The following NAE1 variants were observed in gnomAD, a reference collection of about 807,000 sequenced individuals.
NAE1 encodes the protein NEDD8 activating enzyme E1 subunit 1.
In NAE1, 59 loss-of-function variants were observed where a neutral mutation model predicts 88.0. The observed-to-expected ratio is 0.67, with a 90% CI of 0.54 to 0.83. NAE1 has a LOEUF of 0.83. NAE1 is among the 40% of genes least tolerant of loss of function. The probability of loss-of-function intolerance (pLI) is 0.00; values close to 1 mark genes in which losing one functional copy is unlikely to be tolerated. For synonymous variants in NAE1, 186 were observed against 208.9 expected (o/e 0.89, Z 0.95); for missense variants, 554 against 632.8 (o/e 0.88, Z 1.34).
chr16:66,811,253 G>A (rs1959787924), intron 13 of NAE1, among the ~76,000 whole-genome samples: 2 of 152,020 alleles, frequency 1.3e-5, no homozygotes, highest in African/African-American at 4.8e-5. Flanking sequence ...AACTTCCCAC[G>A]CTCAACTGAT....
At chr16:66,827,249 C>T (rs553056360) in intron 1 of NAE1, among the ~76,000 whole-genome samples, 1 of 152,096 alleles carries the variant, frequency 6.6e-6, no homozygotes, top group South Asian at 2.1e-4. Context: ...GCCACCGTGC[C>T]CAGCCCTATT....
intron 19 of NAE1, among the ~76,000 whole-genome samples, chr16:66,804,006 A>T (rs1337133467): frequency 1.3e-5 from 2 of 148,658 alleles, no homozygotes; most frequent in Non-Finnish European, 3.0e-5. Context: ...TTTAGCAGCA[A>T]GAGAGAGAGA....
chr16:66,824,708 CAT>C (rs1402062583), intron 4 of NAE1, 145 bp downstream of exon 4: 8 of 670,176 alleles, frequency 1.2e-5, no homozygotes, highest in Non-Finnish European at 1.9e-5. Flanking sequence ...AACTACCAAA[CAT>C]ATGAAGATTT....
chr16:66,829,553 C>A (rs564652535), intron 1 of NAE1, among the ~76,000 whole-genome samples: 2 of 152,188 alleles, frequency 1.3e-5, no homozygotes, highest in Non-Finnish European at 2.9e-5. Flanking sequence ...GTGCCTAAAG[C>A]CTCTACTACA....
At position 66,825,442 on chromosome 16, in the gene NAE1, G is replaced by C. The variant is rs1483495082; in HGVS notation, c.219-557C>G. 2.9e-5 allele frequency among the ~76,000 whole-genome samples: 4 copies of C among 138,230 alleles called. No homozygotes were observed. The Admixed American group carries it at 3.0e-4, about 10-fold the overall frequency. The allele number at this position is 138,230 out of a possible 152,430, so 90.7% of individuals were successfully genotyped here. A position where few individuals can be genotyped will look rare whatever the true frequency, so the allele number is the denominator to read the frequency against. ...AGCCTGGGCGACAGAGAAAGACTCC[G>C]TCTCAAAAAAAAAAAAAAAAAGTTT... On this transcript the variant is annotated intron_variant, in intron 3 of 19. Coordinates refer to ENST00000290810, the MANE Select transcript of NAE1 (RefSeq NM_003905.4).
At chr16:66,822,855 A>C (rs1960324833) in intron 6 of NAE1, among the ~76,000 whole-genome samples, 1 of 149,652 alleles carries the variant, frequency 6.7e-6, no homozygotes, top group Non-Finnish European at 1.5e-5. Context: ...TTTTTAGTAG[A>C]GATGGGATTT....
intron 13 of NAE1, among the ~76,000 whole-genome samples, chr16:66,811,384 CT>C (rs1959793262): frequency 6.6e-6 from 1 of 152,140 alleles, no homozygotes; most frequent in East Asian, 1.9e-4. Flanking sequence ...TCTTGAACTC[CT>C]GGGTTCAAGT....
chr16:66,807,002 C>T (rs1172992884), intron 17 of NAE1, among the ~76,000 whole-genome samples: 1 of 152,154 alleles, frequency 6.6e-6, no homozygotes, highest in Non-Finnish European at 1.5e-5. Context: ...CCAAGCTAGC[C>T]ACGTGAAGAG....
At chr16:66,813,892 C>T (rs755790994) in intron 11 of NAE1, 46 bp from the exon 12 acceptor site, 20 of 1,533,936 alleles carry the variant, frequency 1.3e-5, no homozygotes, top group Admixed American at 1.9e-5. Context: ...ATTAAGAATT[C>T]GCCCATCTTT....
intron 11 of NAE1, 127 bp from the exon 12 acceptor site, chr16:66,813,973 G>T (rs2145326529): frequency 1.1e-6 from 1 of 905,760 alleles, no homozygotes; most frequent in East Asian, 2.6e-5. Context: ...ACTTCTGATT[G>T]GTTTATAATT....
intron 11 of NAE1, among the ~76,000 whole-genome samples, chr16:66,814,805 A>C (rs1216164456): frequency 6.6e-6 from 1 of 152,174 alleles, no homozygotes; most frequent in Non-Finnish European, 1.5e-5. Flanking sequence ...GAAATGCTTA[A>C]ATAGCCTGCA....
chr16:66,806,821 T>C (rs1486333509), intron 17 of NAE1, among the ~76,000 whole-genome samples: 2 of 152,202 alleles, frequency 1.3e-5, no homozygotes, highest in Non-Finnish European at 2.9e-5. Context: ...GAAGTATGTA[T>C]AGTTATCTCC....
intron 19 of NAE1, among the ~76,000 whole-genome samples, chr16:66,804,742 G>A (rs1959494203): frequency 6.6e-6 from 1 of 152,132 alleles, no homozygotes; most frequent in South Asian, 2.1e-4. Context: ...AGGTGATTAG[G>A]TCAAGAGCGT....
chr16:66,826,422 G>C, intron 3 of NAE1, 101 bp downstream of exon 3: 1 of 1,088,252 alleles, frequency 9.2e-7, no homozygotes, highest in Non-Finnish European at 1.4e-6. Flanking sequence ...ACATAAGGAT[G>C]ATTTCCACTG....
chr16:66,827,567 CAA>C (rs11372346), intron 1 of NAE1: 6 of 139,770 alleles, frequency 4.3e-5, no homozygotes, highest in East Asian at 4.2e-4. Flanking sequence ...GACTCCGTCT[CAA>C]AAAAAAAAAA....
chr16:66,812,081 T>C (rs904388611), intron 13 of NAE1, among the ~76,000 whole-genome samples: 2 of 152,178 alleles, frequency 1.3e-5, no homozygotes, highest in African/African-American at 4.8e-5. Flanking sequence ...CTAGCTATAG[T>C]CATAGACTAT....
chr16:66,812,989 A>AT (rs1162691544), intron 13 of NAE1: 2 of 149,394 alleles, frequency 1.3e-5, no homozygotes, highest in Admixed American at 6.7e-5. Context: ...CGCCCGGCTA[A>AT]TTTTTTTGTA....
At chr16:66,826,289 C>A in intron 3 of NAE1, 1 of 521,132 alleles carries the variant, frequency 1.9e-6, no homozygotes, top group Non-Finnish European at 3.4e-6. Flanking sequence ...GGAATAACGA[C>A]TACTCCTTTG....
At position 66,830,875 on chromosome 16, in the gene NAE1, T is replaced by G; in HGVS notation, c.25A>C (p.Lys9Gln). 2 of 1,535,290 alleles carry G rather than the reference T, an allele frequency of 1.3e-6. No individual in the cohort carries two copies. The highest frequency in any genetic ancestry group is 1.7e-6 in the Non-Finnish European group (2 of 1,150,348). Residue 9 changes from lysine to glutamine, a missense_variant, in exon 1 of 20, where the codon AAG becomes CAG. Lys to Gln is a moderately conservative substitution (Grantham distance 53). Coordinates refer to ENST00000290810, the MANE Select transcript of NAE1 (RefSeq NM_003905.4). ...AGCTGCCGGTCGTACTTCTGCTCCT[T>G]GAGCAGCTTTCCCAGCTGCGCCATG... MAQLGKLLKEQKYDRQLRL... is the reference protein window; with the variant it reads MAQLGKLLQEQKYDRQLRL...
Sources: allele counts gnomAD v4.1 joint callset (sites outside exome capture counted in the v4.1 genomes callset), GRCh38; gene constraint gnomAD v4.1.1; transcripts MANE v1.5; gene names NCBI Gene and HGNC (gene_info 2026-07-23, HGNC 2026-07-21).